The following MCTP1 variants were observed in gnomAD, a reference collection of about 807,000 sequenced individuals.
MCTP1 encodes multiple C2 and transmembrane domain-containing protein 1.
In MCTP1, 69 loss-of-function variants were observed where a neutral mutation model predicts 120.6. That is an observed-to-expected ratio of 0.57 (90% CI 0.47 to 0.70). The LOEUF (loss-of-function observed/expected upper bound fraction) is 0.70, where lower values mean the gene tolerates loss of function less well. Among genes scored for constraint, MCTP1 ranks in the 30% least tolerant of loss-of-function variants. The pLI is 0.00. For synonymous variants in MCTP1, 529 were observed against 493.1 expected, an observed-to-expected ratio of 1.07 and a Z score of -0.96; for missense variants, 1,203 against 1,248.8, an observed-to-expected ratio of 0.96 and a Z score of 0.55.
At chr5:94,733,161 T>C (rs1351958217) in intron 19 of MCTP1, among the ~76,000 whole-genome samples, 1 of 152,206 alleles carries the variant, frequency 6.6e-6, no homozygotes, top group Non-Finnish European at 1.5e-5. Context: ...AGTTACTATT[T>C]CAAAAAAATT....
At chr5:94,832,075 AT>A (rs1788638077) in intron 17 of MCTP1, among the ~76,000 whole-genome samples, 1 of 152,204 alleles carries the variant, frequency 6.6e-6, no homozygotes, top group Non-Finnish European at 1.5e-5. Flanking sequence ...GTATTAAAAG[AT>A]TTTTGAAAAA....
At chr5:94,756,407 GGT>G (rs1208620404) in intron 19 of MCTP1, among the ~76,000 whole-genome samples, 1 of 152,154 alleles carries the variant, frequency 6.6e-6, no homozygotes, top group Non-Finnish European at 1.5e-5. Flanking sequence ...ATTAGGTGGT[GGT>G]TATGGGAATG....
At chr5:94,907,645 C>T (rs72775387) in intron 10 of MCTP1, among the ~76,000 whole-genome samples, 9,929 of 152,048 alleles carry the variant, frequency 0.065, 341 homozygotes, top group Non-Finnish European at 0.081. Context: ...TCAACCATGT[C>T]TGCCCTTGAA....
chr5:94,947,583 G>A (rs1965755), intron 3 of MCTP1, among the ~76,000 whole-genome samples: 744 of 37,336 alleles, frequency 0.02, 28 homozygotes, highest in East Asian at 0.052. Flanking sequence ...TATATAGAGA[G>A]AGAGAGAGAG....
At chr5:94,938,428 T>C (rs1816738001) in intron 5 of MCTP1, among the ~76,000 whole-genome samples, 1 of 152,032 alleles carries the variant, frequency 6.6e-6, no homozygotes, top group South Asian at 2.1e-4. Flanking sequence ...ACATGGCCTT[T>C]GTGTGTGTTG....
intron 19 of MCTP1, among the ~76,000 whole-genome samples, chr5:94,763,241 A>G (rs372689824): frequency 6.6e-6 from 1 of 152,216 alleles, no homozygotes; most frequent in South Asian, 2.1e-4. Context: ...TAAAGCACAC[A>G]TTTCATCATA....
chr5:95,085,261 G>A (rs527814610), intron 1 of MCTP1, among the ~76,000 whole-genome samples: 4 of 151,958 alleles, frequency 2.6e-5, no homozygotes, highest in South Asian at 4.2e-4. Flanking sequence ...TATCATTACT[G>A]TATATCTTTT....
intron 6 of MCTP1, among the ~76,000 whole-genome samples, chr5:94,928,754 T>C (rs1435368854): frequency 6.6e-6 from 1 of 152,194 alleles, no homozygotes; most frequent in African/African-American, 2.4e-5. Flanking sequence ...GCATATTTTA[T>C]ACATTCTTCT....
intron 18 of MCTP1, among the ~76,000 whole-genome samples, chr5:94,782,741 C>A (rs1462193119): frequency 6.6e-6 from 1 of 151,970 alleles, no homozygotes; most frequent in East Asian, 1.9e-4. Flanking sequence ...GTTTTGTTTT[C>A]AAGTATACAA....
intron 19 of MCTP1, among the ~76,000 whole-genome samples, chr5:94,730,997 C>T (rs1763023192): frequency 6.6e-6 from 1 of 151,934 alleles, no homozygotes; most frequent in African/African-American, 2.4e-5. Context: ...AAATCAAGTA[C>T]CTCTGTTAAA....
chr5:94,955,772 GT>G (rs951438257), intron 2 of MCTP1, among the ~76,000 whole-genome samples: 9 of 152,202 alleles, frequency 5.9e-5, no homozygotes, highest in Non-Finnish European at 1.2e-4. Context: ...ACAATCAGGA[GT>G]TTATAGATAA....
At position 95,184,008 on chromosome 5, in the gene MCTP1, G is replaced by C. The variant is rs575173302; in HGVS notation, c.720+99848C>G. ...AACATCACACACCGGGGCCTGTTGGGGGGTGAGGGGCTAGGGGAGGGATAG... is the reference window on the plus strand; with the variant it reads ...AACATCACACACCGGGGCCTGTTGGCGGGTGAGGGGCTAGGGGAGGGATAG... On this transcript the variant is annotated intron_variant, in intron 1 of 22. Transcript: ENST00000515393. Among the ~76,000 whole-genome samples, 51 of 152,232 alleles carry C rather than the reference G, an allele frequency of 3.4e-4. No homozygotes were observed. The South Asian group carries it at 0.01, about 31-fold the overall frequency.
chr5:94,770,249 G>GA (rs981767710), intron 19 of MCTP1, among the ~76,000 whole-genome samples: 8 of 152,142 alleles, frequency 5.3e-5, no homozygotes, highest in African/African-American at 1.7e-4. Flanking sequence ...CAGCGATCCT[G>GA]AAAAAATCGT....
At chr5:94,986,509 T>C (rs1249198719) in intron 2 of MCTP1, among the ~76,000 whole-genome samples, 1 of 152,100 alleles carries the variant, frequency 6.6e-6, no homozygotes, top group East Asian at 1.9e-4. Context: ...GGTCCATTTG[T>C]TTTTGTGTTT....
At chr5:94,842,109 T>C (rs192755225) in intron 17 of MCTP1, among the ~76,000 whole-genome samples, 1 of 152,326 alleles carries the variant, frequency 6.6e-6, no homozygotes, top group African/African-American at 2.4e-5. Flanking sequence ...CTGTTAGAAG[T>C]GGTTGCCACT....
chr5:94,741,221 A>G (rs1312726554), intron 19 of MCTP1, among the ~76,000 whole-genome samples: 1 of 152,222 alleles, frequency 6.6e-6, no homozygotes, highest in Non-Finnish European at 1.5e-5. Context: ...CAGATATGTC[A>G]TCGAAAATAT....
chr5:94,897,418 G>A (rs372404457), intron 10 of MCTP1, among the ~76,000 whole-genome samples: 36 of 152,076 alleles, frequency 2.4e-4, no homozygotes, highest in East Asian at 1.7e-3. Flanking sequence ...GTGCAGTGGC[G>A]CGATCTCAAC....
At chr5:94,711,205 A>G (rs1416858567) in intron 20 of MCTP1, among the ~76,000 whole-genome samples, 3 of 152,074 alleles carry the variant, frequency 2.0e-5, no homozygotes, top group African/African-American at 7.2e-5. Context: ...TCCCCACATG[A>G]AAGAAGATCT....
intron 1 of MCTP1, among the ~76,000 whole-genome samples, chr5:95,060,237 G>A (rs1332722386): frequency 2.6e-5 from 4 of 152,148 alleles, no homozygotes; most frequent in African/African-American, 9.7e-5. Context: ...TGGAGCTAGA[G>A]GGGAACATAA....
Sources: gnomAD v4.1 joint callset for allele counts (sites outside exome capture counted in the v4.1 genomes callset) on GRCh38, gnomAD v4.1.1 for gene constraint, MANE v1.5 for transcripts, NCBI Gene and HGNC (gene_info 2026-07-23, HGNC 2026-07-21) for gene names.